LRRC7: variants seen among roughly 807,000 people sequenced by gnomAD.
LRRC7 encodes leucine rich repeat containing 7, also known as leucine-rich repeat-containing protein 7.
In LRRC7, 23 loss-of-function variants were observed where a neutral mutation model predicts 175.7. The ratio of observed to expected loss-of-function variants is 0.13; its 90% CI spans 0.09 to 0.19. The LOEUF (loss-of-function observed/expected upper bound fraction) is 0.19. LRRC7 is among the 10% of genes least tolerant of loss of function. The pLI, the probability that LRRC7 is intolerant of heterozygous loss-of-function variation, is 1.00. For missense variants in LRRC7, 1,354 were observed against 1,904.7 expected (o/e 0.71, Z 5.38); for synonymous variants, 685 against 680.9 (o/e 1.01, Z -0.09).
chr1:69,784,711 A>G (rs577199235), intron 3 of LRRC7, among the ~76,000 whole-genome samples: 121 of 152,292 alleles, frequency 7.9e-4, no homozygotes, highest in African/African-American at 2.9e-3. Context: ...TTAAGGCTAC[A>G]CATTTACTAC....
Position 69,676,358 on chromosome 1 carries a change from C to G in LRRC7, c.3-2023C>G, listed in dbSNP as rs1659772366. On this transcript the variant is annotated intron_variant, in intron 1 of 26. Transcript: ENST00000651989. ...GCATGCTATCAACCAGGACAGTTATCAAAACCAGTGATATCCCTGGTTGAG... is the reference window on the plus strand; with the variant it reads ...GCATGCTATCAACCAGGACAGTTATGAAAACCAGTGATATCCCTGGTTGAG... Among the ~76,000 whole-genome samples, 2 of 152,018 alleles carry G rather than the reference C, an allele frequency of 1.3e-5. 1 individual carries two copies. The highest frequency in any genetic ancestry group is 2.9e-5 in the Non-Finnish European group (2 of 67,966).
At chr1:69,781,652 A>C (rs543649963) in intron 3 of LRRC7, among the ~76,000 whole-genome samples, 2 of 146,090 alleles carry the variant, frequency 1.4e-5, no homozygotes, top group African/African-American at 5.1e-5. Flanking sequence ...ACTGCACTCC[A>C]GCCTGGGAGA....
chr1:70,121,898 T>C lies in LRRC7; in HGVS notation c.*11T>C, dbSNP rs150755311. On this transcript the variant is annotated 3_prime_UTR_variant, in exon 27 of 27. Transcript: ENST00000651989. Reference sequence around the variant, plus strand: ...GAGCTTACTGTCTAAATATTTTTTATAAATAGTGAAGATACGTCTAGCCAG... The same window carrying C: ...GAGCTTACTGTCTAAATATTTTTTACAAATAGTGAAGATACGTCTAGCCAG... The C allele has an allele frequency of 7.7e-3, 11,972 of 1,552,052 alleles. 75 individuals carry two copies. The highest frequency in any genetic ancestry group is 0.02 in the Middle Eastern group (117 of 5,770).
intron 1 of LRRC7, among the ~76,000 whole-genome samples, chr1:69,582,404 A>C (rs1013388379): frequency 2.6e-5 from 4 of 152,074 alleles, no homozygotes; most frequent in African/African-American, 9.7e-5. Flanking sequence ...CCAGGATCCA[A>C]GCTGAGGGAG....
At chr1:69,613,282 G>A (rs1428146383) in intron 1 of LRRC7, among the ~76,000 whole-genome samples, 4 of 151,954 alleles carry the variant, frequency 2.6e-5, no homozygotes. Context: ...ATCAGAGAAA[G>A]AACCAGCAAG....
intron 1 of LRRC7, among the ~76,000 whole-genome samples, chr1:69,672,824 AG>A (rs1217513594): frequency 6.6e-6 from 1 of 152,202 alleles, no homozygotes; most frequent in Non-Finnish European, 1.5e-5. Flanking sequence ...AACCTTGTTA[AG>A]GGATATCATT....
At chr1:70,023,071 G>A (rs1371140084) in intron 16 of LRRC7, 55 bp from the exon 17 acceptor site, 9 of 1,370,466 alleles carry the variant, frequency 6.6e-6, no homozygotes, top group Non-Finnish European at 8.6e-6. Context: ...TAAAGTGAAA[G>A]TATTGCTACA....
chr1:69,663,833 T>C (rs970420038), intron 1 of LRRC7, among the ~76,000 whole-genome samples: 2 of 145,736 alleles, frequency 1.4e-5, no homozygotes, highest in African/African-American at 5.1e-5. Context: ...GCCATTCTCC[T>C]GCCTCAGCCT....
chr1:69,749,768 A>C (rs955019030), intron 2 of LRRC7, among the ~76,000 whole-genome samples: 2 of 152,110 alleles, frequency 1.3e-5, no homozygotes, highest in African/African-American at 2.4e-5. Context: ...AAGTGTCTTC[A>C]GGGAAGTAGA....
At chr1:69,624,007 C>T (rs1337245778) in intron 1 of LRRC7, among the ~76,000 whole-genome samples, 1 of 152,030 alleles carries the variant, frequency 6.6e-6, no homozygotes, top group African/African-American at 2.4e-5. Flanking sequence ...ACATTCATTT[C>T]GTGTACATGT....
intron 1 of LRRC7, among the ~76,000 whole-genome samples, chr1:69,603,192 A>G (rs574628507): frequency 6.6e-6 from 1 of 152,184 alleles, no homozygotes; most frequent in Non-Finnish European, 1.5e-5. Context: ...TAAATCCAGC[A>G]TGATCTCATC....
intron 7 of LRRC7, among the ~76,000 whole-genome samples, chr1:69,844,070 T>C (rs1262242067): frequency 1.3e-5 from 2 of 152,202 alleles, no homozygotes; most frequent in Non-Finnish European, 2.9e-5. Flanking sequence ...AGCGGTTTAC[T>C]CTCAAGTAAT....
chr1:69,984,579 C>T (rs1353940941), intron 9 of LRRC7, among the ~76,000 whole-genome samples: 3 of 152,112 alleles, frequency 2.0e-5, no homozygotes, highest in African/African-American at 4.8e-5. Context: ...GTCCGTGTCC[C>T]GCCCACATGT....
chr1:69,853,170 T>TA (rs1392632039), intron 7 of LRRC7, among the ~76,000 whole-genome samples: 1 of 151,508 alleles, frequency 6.6e-6, no homozygotes, highest in African/African-American at 2.4e-5. Flanking sequence ...ATGATTTATC[T>TA]AAAATTATAA....
intron 7 of LRRC7, among the ~76,000 whole-genome samples, chr1:69,868,867 TTCTC>T (rs1008659416): frequency 5.3e-5 from 8 of 151,736 alleles, no homozygotes; most frequent in Admixed American, 2.0e-4. Context: ...TTTACATGAT[TTCTC>T]TCTCTATCTA....
At chr1:69,785,010 A>G (rs1346537604) in intron 3 of LRRC7, among the ~76,000 whole-genome samples, 1 of 152,080 alleles carries the variant, frequency 6.6e-6, no homozygotes, top group Non-Finnish European at 1.5e-5. Flanking sequence ...ATGCATTTTT[A>G]AAAAATACTG....
At chr1:69,990,808 A>G (rs917125444) in intron 10 of LRRC7, among the ~76,000 whole-genome samples, 9 of 152,178 alleles carry the variant, frequency 5.9e-5, no homozygotes, top group Admixed American at 2.6e-4. Context: ...TCAAATTGTC[A>G]TAAATCACAA....
chr1:70,038,066 C>T, intron 20 of LRRC7, 47 bp from the exon 21 acceptor site: 1 of 1,541,024 alleles, frequency 6.5e-7, no homozygotes, highest in Non-Finnish European at 8.7e-7. Flanking sequence ...CTGCCAAAGA[C>T]CCAACTCTTC....
At chr1:69,941,842 G>A (rs145863270) in intron 8 of LRRC7, among the ~76,000 whole-genome samples, 183 of 152,004 alleles carry the variant, frequency 1.2e-3, no homozygotes, top group Non-Finnish European at 2.2e-3. Context: ...GACAAACATC[G>A]TGTAGTATTT....
Sources: gnomAD v4.1 joint callset for allele counts (sites outside exome capture counted in the v4.1 genomes callset) on GRCh38, gnomAD v4.1.1 for gene constraint, MANE v1.5 for transcripts, NCBI Gene and HGNC (gene_info 2026-07-23, HGNC 2026-07-21) for gene names.